SLC35F3: variants seen among roughly 807,000 people sequenced by gnomAD.
SLC35F3 encodes putative thiamine transporter SLC35F3.
In SLC35F3, 25 loss-of-function variants were observed where a neutral mutation model predicts 49.9. The ratio of observed to expected loss-of-function variants is 0.50; its 90% CI spans 0.37 to 0.70. The LOEUF (loss-of-function observed/expected upper bound fraction) is 0.70, where lower values mean the gene tolerates loss of function less well. Among genes scored for constraint, SLC35F3 ranks in the 30% least tolerant of loss-of-function variants. The pLI is 0.00. For synonymous variants in SLC35F3, 275 were observed against 265.4 expected (o/e 1.04, Z -0.35); for missense variants, 525 against 639.8 (o/e 0.82, Z 1.94).
At chr1:234,033,149 A>G (rs1008337682) in intron 2 of SLC35F3, among the ~76,000 whole-genome samples, 2 of 151,954 alleles carry the variant, frequency 1.3e-5, no homozygotes, top group Non-Finnish European at 2.9e-5. Context: ...GGCCATTTGT[A>G]TATTTTCTTT....
At chr1:234,062,213 C>A (rs994452894) in intron 2 of SLC35F3, among the ~76,000 whole-genome samples, 1 of 152,294 alleles carries the variant, frequency 6.6e-6, no homozygotes, top group South Asian at 2.1e-4. Flanking sequence ...TGTTCTTTCT[C>A]GTTATAGCTC....
intron 2 of SLC35F3, among the ~76,000 whole-genome samples, chr1:233,913,883 A>G (rs1421731463): frequency 6.6e-6 from 1 of 152,192 alleles, no homozygotes; most frequent in Non-Finnish European, 1.5e-5. Context: ...TGGTAACTTT[A>G]AAAATGATGT....
intron 2 of SLC35F3, among the ~76,000 whole-genome samples, chr1:234,079,851 T>G: frequency 6.6e-6 from 1 of 152,166 alleles, no homozygotes; most frequent in Non-Finnish European, 1.5e-5. Context: ...AAAAACAGTT[T>G]GACAGTGTGA....
rs1354259610 is a variant in SLC35F3 at position 234,231,874 on chromosome 1, G to C, written c.608+133G>C. 2 of 843,532 alleles carry C rather than the reference G, an allele frequency of 2.4e-6. No homozygotes were observed. Among genetic ancestry groups the C allele is most frequent in the African/African-American group, 3.4e-5 (2 of 58,476 alleles). The allele number at this position is 843,532 out of a possible 1,614,324, so 52.3% of individuals were successfully genotyped here. On this transcript the variant is annotated intron_variant, in intron 3 of 7. Transcript: ENST00000366618. The surrounding 1 kb of genome is among the most constrained non-coding windows in gnomAD (Gnocchi z 5.4). Reference sequence around the variant, plus strand: ...CCCGTGGAGAGATGTTGCAGTGAATGCACCTGCTCTCAGTGGGGTCGGGAG... The same window carrying C: ...CCCGTGGAGAGATGTTGCAGTGAATCCACCTGCTCTCAGTGGGGTCGGGAG...
intron 2 of SLC35F3, among the ~76,000 whole-genome samples, chr1:233,931,013 A>G (rs12022142): frequency 0.32 from 48,982 of 152,034 alleles, 8,514 homozygotes; most frequent in Admixed American, 0.5. Flanking sequence ...ATCTTTGTCA[A>G]ACTTGACACA....
rs140903030 is a variant in SLC35F3 at position 234,245,800 on chromosome 1, G to A, written c.608+14059G>A. ...TTCTGATGGCCTGGGCTTCCTCACAGGAGGGTGGTCCGTGGTAATCACACT... is the reference window on the plus strand; with the variant it reads ...TTCTGATGGCCTGGGCTTCCTCACAAGAGGGTGGTCCGTGGTAATCACACT... On this transcript the variant is annotated intron_variant, in intron 3 of 7. Transcript: ENST00000366618. Among the ~76,000 whole-genome samples, 45 of 152,374 alleles carry A rather than the reference G, an allele frequency of 3.0e-4. No individual in the cohort carries two copies. In the East Asian group the frequency reaches 7.3e-3, roughly 25 times the overall value.
Position 234,075,725 on chromosome 1 carries a change from AAAAT to A in SLC35F3, c.284-155689_284-155686del, listed in dbSNP as rs373132033. Among the ~76,000 whole-genome samples, 1,089 of 152,354 alleles carry A rather than the reference AAAAT, an allele frequency of 7.1e-3. 5 individuals carry two copies. Among genetic ancestry groups the A allele is most frequent in the African/African-American group, 0.021 (882 of 41,574 alleles). ...ACCCCAATTCACTGCCAAAAGGAAA[AAAAT>A]AAGCTGGAAGCTGAGTCTTGCAAGA... On this transcript the variant is annotated intron_variant, in intron 2 of 7. Transcript: ENST00000366618.
At chr1:234,076,213 G>A (rs965978495) in intron 2 of SLC35F3, among the ~76,000 whole-genome samples, 10 of 148,678 alleles carry the variant, frequency 6.7e-5, no homozygotes, top group Admixed American at 5.2e-4. Context: ...GTATTGCCAG[G>A]TGGTACCAAT....
rs914020177 is a variant in SLC35F3, at chr1:234,231,440, C to T, written c.307C>T (p.Pro103Ser). Residue 103 changes from proline to serine, a missense_variant, in exon 3 of 8, where the codon CCG (proline) becomes TCG (serine). By Grantham distance (74) the Pro-to-Ser change is moderately conservative. Transcript: ENST00000366618. The surrounding 1 kb of genome is among the most constrained non-coding windows in gnomAD (Gnocchi z 5.4). Reference protein sequence around the residue: ...CKREERPRDSPGPAEAQAPAG... With the variant: ...CKREERPRDSSGPAEAQAPAG... ...AGGGGAGGAGCGCCCCCGGGACTCC[C>T]CGGGCCCGGCGGAGGCCCAGGCACC... 1 of 1,596,262 alleles carries T rather than the reference C, an allele frequency of 6.3e-7. No individual in the cohort carries two copies. The highest frequency in any genetic ancestry group is 8.5e-7 in the Non-Finnish European group (1 of 1,171,806).
rs1337212538 is a variant in SLC35F3 at position 234,231,387 on chromosome 1, C to T, written c.284-30C>T. ...AAGTGCAGGGGTGAAGGTCTGCAGG[C>T]CCCGCTAACCACGCCCTTCTCTTCC... is the stretch of plus-strand genomic sequence containing the variant. On this transcript the variant is annotated intron_variant, in intron 2 of 7. Transcript: ENST00000366618. This position sits in a 1 kb window ranked among gnomAD's most constrained non-coding sequence, Gnocchi z 5.4. 1.0e-5 allele frequency: 15 copies of T among 1,463,932 alleles called. No individual in the cohort carries two copies. The highest frequency in any genetic ancestry group is 1.3e-5 in the Non-Finnish European group (14 of 1,105,606). The allele number at this position is 1,463,932 out of a possible 1,614,324, so 90.7% of individuals were successfully genotyped here.
intron 3 of SLC35F3, among the ~76,000 whole-genome samples, chr1:234,261,494 T>A (rs529356136): frequency 3.9e-5 from 6 of 152,192 alleles, no homozygotes; most frequent in South Asian, 2.1e-4. Context: ...TCTTTTGGCA[T>A]GCTAATGACT....
At chr1:234,213,798 G>C (rs1468281167) in intron 2 of SLC35F3, 1 of 152,202 alleles carries the variant, frequency 6.6e-6, no homozygotes, top group East Asian at 1.9e-4. Flanking sequence ...TTTTGCTTCT[G>C]TGGTGTTTGA....
At chr1:234,095,527 G>C (rs1228796835) in intron 2 of SLC35F3, among the ~76,000 whole-genome samples, 1 of 152,188 alleles carries the variant, frequency 6.6e-6, no homozygotes, top group Non-Finnish European at 1.5e-5. Flanking sequence ...CTTCAGTTAG[G>C]CTTGTTTGTA....
chr1:234,244,661 A>ACTTG (rs1331610734), intron 3 of SLC35F3, among the ~76,000 whole-genome samples: 3 of 151,672 alleles, frequency 2.0e-5, no homozygotes, highest in Non-Finnish European at 1.5e-5. Flanking sequence ...AAATTAGTAG[A>ACTTG]CTAGCAGAGG....
chr1:233,969,575 G>C (rs1662959531), intron 2 of SLC35F3, among the ~76,000 whole-genome samples: 1 of 152,146 alleles, frequency 6.6e-6, no homozygotes, highest in African/African-American at 2.4e-5. Flanking sequence ...TAGCTCCCCT[G>C]CTTCTTCAAA....
intron 2 of SLC35F3, among the ~76,000 whole-genome samples, chr1:234,140,859 A>G (rs1034908844): frequency 1.2e-4 from 19 of 152,168 alleles, no homozygotes; most frequent in Admixed American, 3.9e-4. Flanking sequence ...ATGAAATTCA[A>G]TTTAAGCCTC....
At chr1:234,186,252 TG>T (rs1666642327) in intron 2 of SLC35F3, among the ~76,000 whole-genome samples, 2 of 151,624 alleles carry the variant, frequency 1.3e-5, no homozygotes. Flanking sequence ...AAGCATGCAG[TG>T]GGCTCCGCTC....
At chr1:234,140,002 A>AATAAAATATAAT in intron 2 of SLC35F3, among the ~76,000 whole-genome samples, 3 of 105,366 alleles carry the variant, frequency 2.8e-5, no homozygotes, top group Non-Finnish European at 4.7e-5. Flanking sequence ...AATAAAATAA[A>AATAAAATATAAT]GTAAGTGACT....
At chr1:233,927,285 T>C (rs1202500424) in intron 2 of SLC35F3, among the ~76,000 whole-genome samples, 1 of 152,192 alleles carries the variant, frequency 6.6e-6, no homozygotes, top group Non-Finnish European at 1.5e-5. Flanking sequence ...GTTAGATTGC[T>C]GGATTGATCT....
Sources: allele counts gnomAD v4.1 joint callset (sites outside exome capture counted in the v4.1 genomes callset), GRCh38; gene constraint gnomAD v4.1.1; non-coding constraint Gnocchi (gnomAD v3.1); transcripts MANE v1.5; gene names NCBI Gene and HGNC (gene_info 2026-07-23, HGNC 2026-07-21).